Variants in POLQ observed in about 807,000 individuals in gnomAD.
POLQ encodes the protein epididymis secretory sperm binding protein.
POLQ carries 233 observed loss-of-function variants against 259.2 expected under a neutral mutation model. That is an observed-to-expected ratio of 0.90 (90% CI 0.81 to 1.00). The LOEUF is 1.00. Ranked by LOEUF, POLQ falls within the 50% of genes least tolerant of loss-of-function variation. POLQ has a pLI of 0.00. For synonymous variants in POLQ, 1,025 were observed against 1,048.8 expected (o/e 0.98, Z 0.44); for missense variants, 2,871 against 3,051.6 (o/e 0.94, Z 1.39).
intron 12 of POLQ, among the ~76,000 whole-genome samples, chr3:121,502,845 A>C (rs984232894): frequency 6.6e-6 from 1 of 152,210 alleles, no homozygotes; most frequent in Non-Finnish European, 1.5e-5. Context: ...AAAAGGAATC[A>C]AAATAGAGTT....
chr3:121,531,249 AC>A (rs537581876), intron 6 of POLQ, among the ~76,000 whole-genome samples: 90 of 152,284 alleles, frequency 5.9e-4, no homozygotes, highest in Middle Eastern at 6.8e-3. Context: ...AGAAATAGAG[AC>A]CATGTAAGGG....
At position 121,545,005 on chromosome 3, in the gene POLQ, T is replaced by G. The variant is rs543856860; in HGVS notation, c.164-99A>C. ...GTGTTGGAATTCCTATGTGTTGAAATGAAGCTCTTTAAAGCACATCCTGAC... is the reference window on the plus strand; with the variant it reads ...GTGTTGGAATTCCTATGTGTTGAAAGGAAGCTCTTTAAAGCACATCCTGAC... On this transcript the variant is annotated intron_variant, in intron 1 of 29. Coordinates refer to ENST00000264233, the MANE Select transcript of POLQ (RefSeq NM_199420.4). 3 of 705,980 alleles carry G rather than the reference T, an allele frequency of 4.2e-6. No individual in the cohort carries two copies. The East Asian group carries it at 8.2e-5, about 19-fold the overall frequency. 43.7% of individuals were successfully genotyped at this position (705,980 alleles called of 1,614,324 possible).
intron 25 of POLQ, among the ~76,000 whole-genome samples, chr3:121,456,764 C>A (rs1379028184): frequency 1.4e-4 from 21 of 152,158 alleles, no homozygotes; most frequent in Non-Finnish European, 2.1e-4. Flanking sequence ...ACATTCCATG[C>A]TCATAGGTAG....
At chr3:121,465,948 A>G (rs2047831952) in intron 24 of POLQ, among the ~76,000 whole-genome samples, 1 of 152,236 alleles carries the variant, frequency 6.6e-6, no homozygotes, top group Non-Finnish European at 1.5e-5. Flanking sequence ...GATTAAGCTT[A>G]TGAGGAAGGC....
chr3:121,522,536 C>T (rs1433178088), intron 7 of POLQ, among the ~76,000 whole-genome samples: 1 of 151,276 alleles, frequency 6.6e-6, no homozygotes, highest in Non-Finnish European at 1.5e-5. Context: ...TGGTCTCGAT[C>T]TCCTGACCTC....
At chr3:121,459,663 G>A (rs1470832330) in intron 25 of POLQ, among the ~76,000 whole-genome samples, 1 of 152,132 alleles carries the variant, frequency 6.6e-6, no homozygotes, top group African/African-American at 2.4e-5. Context: ...TTACAGGCGT[G>A]AGCCACCGCG....
intron 7 of POLQ, among the ~76,000 whole-genome samples, chr3:121,529,378 G>A (rs531049622): frequency 3.2e-4 from 48 of 152,192 alleles, no homozygotes; most frequent in African/African-American, 1.1e-3. Context: ...TAAAGCCCAT[G>A]GATCCCTGAT....
At chr3:121,525,155 C>T (rs1341398713) in intron 7 of POLQ, among the ~76,000 whole-genome samples, 1 of 152,076 alleles carries the variant, frequency 6.6e-6, no homozygotes, top group East Asian at 1.9e-4. Context: ...TCCTGGCTAA[C>T]ACGGTGAAAC....
In POLQ at chr3:121,476,436, C is replaced by A. The variant is rs113644705; in HGVS notation, c.6405+104G>T. The stretch of plus-strand genomic sequence containing the variant: ...TTAACTGGCTGTTTCATTTTACTGA[C>A]CTTTGGTGTTCAGGTAAATACACAC... On this transcript the variant is annotated intron_variant, in intron 20 of 29. Coordinates refer to ENST00000264233, the MANE Select transcript of POLQ (RefSeq NM_199420.4). 1,926 of 772,988 alleles carry A rather than the reference C, an allele frequency of 2.5e-3. 32 individuals carry two copies. In the African/African-American group the frequency reaches 0.03, roughly 12 times the overall value. 47.9% of individuals were successfully genotyped at this position (772,988 alleles called of 1,614,324 possible).
Position 121,544,348 on chromosome 3 carries a change from G to GA in POLQ, c.343+378dup, listed in dbSNP as rs371071510. 4.5e-3 allele frequency among the ~76,000 whole-genome samples: 645 copies of GA among 144,638 alleles called. 3 individuals carry two copies. Among genetic ancestry groups the GA allele is most frequent in the Non-Finnish European group, 7.7e-3 (507 of 65,712 alleles). The allele number at this position is 144,638 out of a possible 152,430, so 94.9% of individuals were successfully genotyped here. A position where few individuals can be genotyped will look rare whatever the true frequency, so the allele number is the denominator to read the frequency against. Reference sequence around the variant, plus strand: ...AGCCTGGAGACAAACTCTATCTCAAGAAAAAAAAAAGGTAAATTAACAAAC... The same window carrying GA: ...AGCCTGGAGACAAACTCTATCTCAAGAAAAAAAAAAAGGTAAATTAACAAAC... On this transcript the variant is annotated intron_variant, in intron 2 of 29. Coordinates refer to ENST00000264233, the MANE Select transcript of POLQ (RefSeq NM_199420.4).
In POLQ at chr3:121,449,337, G is replaced by A. The variant is rs140794457; in HGVS notation, c.7242C>T (p.Asp2414=). The change falls in exon 26 of 30, where the codon GAC becomes GAT. Residue 2414 remains aspartate, a synonymous_variant. Coordinates refer to ENST00000264233, the MANE Select transcript of POLQ (RefSeq NM_199420.4). ...TACCTGTGTATCTGGATTTGAAGGAGTCAATATAGCATGCAGCATCATTTT... is the reference window on the plus strand; with the variant it reads ...TACCTGTGTATCTGGATTTGAAGGAATCAATATAGCATGCAGCATCATTTT... ...IKENDAACYI[D]SFKSRYTGIN... is the part of the protein sequence containing the mutation. 198 of 1,562,334 alleles carry A rather than the reference G, an allele frequency of 1.3e-4. No homozygotes were observed. The African/African-American group carries it at 2.5e-3, about 20-fold the overall frequency.
At chr3:121,442,571 A>G (rs2047602401) in intron 26 of POLQ, among the ~76,000 whole-genome samples, 1 of 152,160 alleles carries the variant, frequency 6.6e-6, no homozygotes, top group Non-Finnish European at 1.5e-5. Context: ...GGCTTATTTC[A>G]CTTAACATAA....
At chr3:121,462,090 G>T (rs149095013) in intron 24 of POLQ, among the ~76,000 whole-genome samples, 35 of 152,052 alleles carry the variant, frequency 2.3e-4, no homozygotes, top group Non-Finnish European at 3.8e-4. Context: ...ATGGATTTTT[G>T]GATTAGAAAT....
intron 27 of POLQ, among the ~76,000 whole-genome samples, chr3:121,437,441 T>C (rs1038531250): frequency 2.5e-4 from 38 of 152,238 alleles, no homozygotes; most frequent in African/African-American, 9.2e-4. Flanking sequence ...GTAAGGTTGC[T>C]CATTTGTAAG....
intron 22 of POLQ, among the ~76,000 whole-genome samples, chr3:121,471,324 G>A (rs2047882067): frequency 1.3e-5 from 2 of 152,008 alleles, no homozygotes; most frequent in South Asian, 4.1e-4. Flanking sequence ...GAAATCTTAA[G>A]AGGCTCAAAA....
chr3:121,487,679 C>G lies in POLQ; in HGVS notation c.5252G>C (p.Gly1751Ala). 1 of 1,613,630 alleles carries G rather than the reference C, an allele frequency of 6.2e-7. No individual in the cohort carries two copies. Among genetic ancestry groups the G allele is most frequent in the Non-Finnish European group, 8.5e-7 (1 of 1,179,716 alleles). ...AGGGTTTACAGGTGTTTCAAGAATCCCTGGAAATGTCAGCTTAGAAGCAGA... is the reference window on the plus strand; with the variant it reads ...AGGGTTTACAGGTGTTTCAAGAATCGCTGGAAATGTCAGCTTAGAAGCAGA... ...PTSASKLTFP[G>A]ILETPVNPWK... The change falls in exon 16 of 30, where the codon GGG (glycine) becomes GCG (alanine). Residue 1751 changes from glycine to alanine, a missense_variant. Around this residue, in one of 3 missense-constraint regions of POLQ, gnomAD observed 2,080 missense variants for 2,126.0 expected, o/e 0.98. Coordinates refer to ENST00000264233, the MANE Select transcript of POLQ (RefSeq NM_199420.4).
intron 12 of POLQ, among the ~76,000 whole-genome samples, chr3:121,500,610 A>G (rs1451341953): frequency 6.6e-6 from 1 of 152,252 alleles, no homozygotes; most frequent in Non-Finnish European, 1.5e-5. Flanking sequence ...CAACATATGC[A>G]TAATGAGTAC....
intron 7 of POLQ, among the ~76,000 whole-genome samples, chr3:121,523,306 C>T (rs551558204): frequency 6.6e-5 from 10 of 152,336 alleles, no homozygotes; most frequent in African/African-American, 1.9e-4. Flanking sequence ...AGGCATGAGC[C>T]ACCACCCAGC....
intron 28 of POLQ, among the ~76,000 whole-genome samples, chr3:121,433,623 G>T (rs768238496): frequency 6.6e-6 from 1 of 152,148 alleles, no homozygotes; most frequent in Non-Finnish European, 1.5e-5. Context: ...ACGTTTTTCT[G>T]TGGAGATAAT....
Sources: allele counts gnomAD v4.1 joint callset (sites outside exome capture counted in the v4.1 genomes callset), GRCh38; gene constraint gnomAD v4.1.1; regional missense constraint gnomAD v4.1.1; transcripts MANE v1.5; gene names NCBI Gene and HGNC (gene_info 2026-07-23, HGNC 2026-07-21).